IGFL2: variants seen among roughly 807,000 people sequenced by gnomAD.
IGFL2 encodes the protein IGF like family member 2.
Under a neutral mutation model 13.9 loss-of-function variants are expected in IGFL2, and 7 were observed. That is an observed-to-expected ratio of 0.51 (90% CI 0.29 to 0.95). The LOEUF (loss-of-function observed/expected upper bound fraction) is 0.95, where lower values mean the gene tolerates loss of function less well. IGFL2 is among the 40% of genes least tolerant of loss of function. The pLI, the probability that IGFL2 is intolerant of heterozygous loss-of-function variation, is 0.08. For synonymous variants in IGFL2, 55 were observed against 55.8 expected, an observed-to-expected ratio of 0.99 and a Z score of 0.07; for missense variants, 138 against 147.8, an observed-to-expected ratio of 0.93 and a Z score of 0.34.
At chr19:46,136,838 A>G in the IGFL2 span, 2 of 710,390 alleles carry the variant, frequency 2.8e-6, no homozygotes, top group South Asian at 2.7e-5. Flanking sequence ...CCTGGTTGAG[A>G]TCCATTGGAG....
At position 46,160,646 on chromosome 19, in the gene IGFL2, C is replaced by A; in HGVS notation, c.106C>A (p.Pro36Thr). 3.1e-6 allele frequency: 5 copies of A among 1,614,070 alleles called. No individual in the cohort carries two copies. The Admixed American group carries it at 6.7e-5, about 22-fold the overall frequency. The change falls in exon 3 of 4, where the codon CCG becomes ACG. Residue 36 changes from proline to threonine, a missense_variant. Physicochemically the swap from Pro to Thr is conservative, Grantham distance 38 (BLOSUM62 -1). Coordinates refer to ENST00000377693, the MANE Select transcript of IGFL2 (RefSeq NM_001135113.2). ...TGGCTCAGAACCATGGCTGTGCCAG[C>A]CGGCACCCAGGTGTGGAGACAAGAT... is the stretch of plus-strand genomic sequence containing the variant. ...PAGSEPWLCQ[P>T]APRCGDKIYN...
At chr19:46,100,565 C>T in the IGFL2 span, among the ~76,000 whole-genome samples, 1 of 152,148 alleles carries the variant, frequency 6.6e-6, no homozygotes, top group African/African-American at 2.4e-5. Flanking sequence ...GGGAAACAAT[C>T]AGATATGCAT....
At chr19:46,183,723 A>G in the IGFL2 span, among the ~76,000 whole-genome samples, 555 of 152,088 alleles carry the variant, frequency 3.6e-3, 4 homozygotes, top group African/African-American at 0.013. Flanking sequence ...TTTAGTAGAG[A>G]TGAAGTTTCA....
At chr19:46,146,485 C>G (rs746859109), upstream of IGFL2, among the ~76,000 whole-genome samples, 22 of 152,140 alleles carry the variant, frequency 1.4e-4, no homozygotes, top group Non-Finnish European at 2.4e-4. Flanking sequence ...TTGTTTCTCT[C>G]TCAGACAAAT....
the IGFL2 span, among the ~76,000 whole-genome samples, chr19:46,088,207 G>A: frequency 2.0e-5 from 3 of 152,182 alleles, no homozygotes; most frequent in African/African-American, 7.2e-5. Flanking sequence ...TATTTGAAGT[G>A]TCATTATCTA....
At chr19:46,178,913 T>C in the IGFL2 span, among the ~76,000 whole-genome samples, 1 of 152,236 alleles carries the variant, frequency 6.6e-6, no homozygotes, top group East Asian at 1.9e-4. Context: ...TCGACTCTGT[T>C]CCCCAGACTG....
chr19:46,196,092 G>A, the IGFL2 span: 1 of 154,210 alleles, frequency 6.5e-6, no homozygotes, highest in South Asian at 2.0e-4. Flanking sequence ...CCCTGTCTGG[G>A]ACCTGTCTCG....
At chr19:46,149,161 TTCTCTC>T in intron 1 of IGFL2, 2 of 646,114 alleles carry the variant, frequency 3.1e-6, no homozygotes, top group South Asian at 3.4e-5. Flanking sequence ...CCTCTCTCTC[TTCTCTC>T]TCTCTCTCTT....
chr19:46,110,158 C>T, the IGFL2 span, among the ~76,000 whole-genome samples: 1 of 152,200 alleles, frequency 6.6e-6, no homozygotes, highest in African/African-American at 2.4e-5. Context: ...CACACGTAAA[C>T]CTGAGTTATG....
chr19:46,106,184 G>A, the IGFL2 span, among the ~76,000 whole-genome samples: 2,019 of 152,276 alleles, frequency 0.013, 31 homozygotes, highest in Middle Eastern at 0.027. Flanking sequence ...ATGAAGAAAG[G>A]TGCTGAGATA....
chr19:46,112,377 A>G, the IGFL2 span, among the ~76,000 whole-genome samples: 1 of 152,312 alleles, frequency 6.6e-6, no homozygotes, highest in Non-Finnish European at 1.5e-5. Context: ...TTCAGAGTGG[A>G]CTAGTGACCC....
the IGFL2 span, among the ~76,000 whole-genome samples, chr19:46,089,394 T>C: frequency 1.1e-4 from 16 of 152,230 alleles, no homozygotes; most frequent in African/African-American, 3.6e-4. Flanking sequence ...GAAATACATG[T>C]GATTTATACA....
the IGFL2 span, among the ~76,000 whole-genome samples, chr19:46,091,743 T>A: frequency 6.6e-6 from 1 of 152,194 alleles, no homozygotes; most frequent in Non-Finnish European, 1.5e-5. Context: ...ACTGTGCACT[T>A]AATGTCTTTA....
At chr19:46,079,736 C>T in the IGFL2 span, among the ~76,000 whole-genome samples, 2 of 152,118 alleles carry the variant, frequency 1.3e-5, no homozygotes, top group Non-Finnish European at 2.9e-5. Context: ...TTGTAAATAT[C>T]CAAAGCGACT....
the IGFL2 span, among the ~76,000 whole-genome samples, chr19:46,108,288 G>C: frequency 1.3e-5 from 2 of 152,100 alleles, no homozygotes; most frequent in Admixed American, 1.3e-4. Context: ...GGGAGGAACC[G>C]AGGTGTAAAA....
upstream of IGFL2, among the ~76,000 whole-genome samples, chr19:46,138,837 C>G (rs566730142): frequency 2.6e-5 from 4 of 152,200 alleles, no homozygotes; most frequent in South Asian, 8.3e-4. Context: ...CCTATTCTGT[C>G]CAGGTCTGAC....
chr19:46,097,768 A>T, the IGFL2 span, among the ~76,000 whole-genome samples: 1 of 152,208 alleles, frequency 6.6e-6, no homozygotes, highest in Non-Finnish European at 1.5e-5. Flanking sequence ...TTGTTTACCC[A>T]GGAGTCATTC....
downstream of IGFL2, among the ~76,000 whole-genome samples, chr19:46,165,648 G>A (rs1974364872): frequency 6.6e-6 from 1 of 152,244 alleles, no homozygotes. Flanking sequence ...CATGCAAGAG[G>A]GACAGGGCCC....
chr19:46,132,187 T>G, the IGFL2 span, among the ~76,000 whole-genome samples: 1 of 152,154 alleles, frequency 6.6e-6, no homozygotes, highest in Admixed American at 6.5e-5. Context: ...TCTTACCCTT[T>G]TGCTGGCATG....
Sources: allele counts gnomAD v4.1 joint callset (sites outside exome capture counted in the v4.1 genomes callset), GRCh38; gene constraint gnomAD v4.1.1; transcripts MANE v1.5; gene names NCBI Gene and HGNC (gene_info 2026-07-23, HGNC 2026-07-21).